Variants in SOX6 observed in about 807,000 individuals in gnomAD.
SOX6 encodes SRY-box transcription factor 6.
SOX6 carries 11 observed loss-of-function variants against 97.8 expected under a neutral mutation model. The ratio of observed to expected loss-of-function variants is 0.11; its 90% CI spans 0.07 to 0.19. The LOEUF (loss-of-function observed/expected upper bound fraction) is 0.19, where lower values mean the gene tolerates loss of function less well. Ranked by LOEUF, SOX6 falls within the 10% of genes least tolerant of loss-of-function variation. The pLI, the probability that SOX6 is intolerant of heterozygous loss-of-function variation, is 1.00. For missense variants in SOX6, 810 were observed against 1,039.5 expected (o/e 0.78, Z 3.04); for synonymous variants, 360 against 371.4 (o/e 0.97, Z 0.35).
intron 4 of SOX6, among the ~76,000 whole-genome samples, chr11:16,202,126 A>G (rs1851958481): frequency 6.6e-6 from 1 of 152,172 alleles, no homozygotes; most frequent in Admixed American, 6.5e-5. Flanking sequence ...AAATGAGAGT[A>G]TTAAAATATC....
At chr11:16,120,984 G>GAA (rs1433608888) in intron 6 of SOX6, among the ~76,000 whole-genome samples, 1 of 152,070 alleles carries the variant, frequency 6.6e-6, no homozygotes, top group Non-Finnish European at 1.5e-5. Context: ...TATTCTGAGA[G>GAA]AAATGTTAAT....
At chr11:16,136,408 CT>C (rs959545059) in intron 6 of SOX6, among the ~76,000 whole-genome samples, 9 of 136,354 alleles carry the variant, frequency 6.6e-5, no homozygotes, top group East Asian at 2.4e-4. Flanking sequence ...TATAGTGTAA[CT>C]TTTTTTTAAG....
intron 6 of SOX6, among the ~76,000 whole-genome samples, chr11:16,133,193 A>C (rs1023358332): frequency 1.3e-5 from 2 of 152,186 alleles, no homozygotes; most frequent in African/African-American, 4.8e-5. Flanking sequence ...TGCTCTCCTA[A>C]ACAAATGGGG....
At chr11:16,243,577 G>C (rs1853255089) in intron 3 of SOX6, among the ~76,000 whole-genome samples, 2 of 151,586 alleles carry the variant, frequency 1.3e-5, no homozygotes, top group Admixed American at 6.6e-5. Flanking sequence ...AATTTAATAA[G>C]TTTTGACAAA....
intron 3 of SOX6, among the ~76,000 whole-genome samples, chr11:16,291,456 AAC>A (rs772655139): frequency 1.3e-4 from 20 of 151,854 alleles, no homozygotes; most frequent in Non-Finnish European, 2.8e-4. Flanking sequence ...TAAACAAATA[AAC>A]CTACCTTGCA....
intron 4 of SOX6, among the ~76,000 whole-genome samples, chr11:16,606,339 G>A (rs1443812915): frequency 6.6e-6 from 1 of 151,824 alleles, no homozygotes; most frequent in African/African-American, 2.4e-5. Context: ...AGCCTGCGGC[G>A]GTAACAAGAG....
At chr11:16,213,602 C>T (rs773420681) in intron 4 of SOX6, among the ~76,000 whole-genome samples, 20 of 152,008 alleles carry the variant, frequency 1.3e-4, no homozygotes, top group Admixed American at 1.3e-3. Context: ...TTCAAGTAAC[C>T]CACAAAAGCT....
intron 1 of SOX6, among the ~76,000 whole-genome samples, chr11:16,346,034 G>C (rs78668541): frequency 2.0e-5 from 3 of 151,826 alleles, no homozygotes; most frequent in Admixed American, 2.0e-4. Context: ...TTCAAAAAAA[G>C]TCCTGTTTTT....
Position 16,340,994 on chromosome 11 carries a change from C to A in SOX6, c.237+18G>T. 6.2e-7 allele frequency: 1 copy of A among 1,612,878 alleles called. No individual in the cohort carries two copies. Among genetic ancestry groups the A allele is most frequent in the South Asian group, 1.1e-5 (1 of 90,942 alleles). ...AAGGAATGCATTTAGTGGCAGTGGT[C>A]AGATTTTAAAGGCTCACCATTCTTT... On this transcript the variant is annotated intron_variant, in intron 2 of 15. Transcript: ENST00000683767.
intron 10 of SOX6, among the ~76,000 whole-genome samples, chr11:16,055,331 T>C (rs1161369658): frequency 1.3e-5 from 2 of 151,900 alleles, no homozygotes; most frequent in Admixed American, 1.3e-4. Flanking sequence ...TCAAATTCTA[T>C]TTTGCACTTC....
At chr11:16,304,041 G>C (rs921973530) in intron 3 of SOX6, among the ~76,000 whole-genome samples, 1 of 151,870 alleles carries the variant, frequency 6.6e-6, no homozygotes, top group African/African-American at 2.4e-5. Context: ...TCAGCCTCTT[G>C]AGTAGCTGGG....
At chr11:16,372,932 A>G (rs1465256042) in intron 1 of SOX6, among the ~76,000 whole-genome samples, 1 of 152,092 alleles carries the variant, frequency 6.6e-6, no homozygotes, top group African/African-American at 2.4e-5. Flanking sequence ...TATGCCATAA[A>G]AGTTCACATT....
At chr11:16,081,597 T>C (rs1479903018) in intron 9 of SOX6, among the ~76,000 whole-genome samples, 1 of 152,192 alleles carries the variant, frequency 6.6e-6, no homozygotes, top group Non-Finnish European at 1.5e-5. Flanking sequence ...TATGTCGCTA[T>C]GCAGCTCTTT....
chr11:16,022,329 T>G (rs1236357558), intron 12 of SOX6, among the ~76,000 whole-genome samples: 1 of 146,558 alleles, frequency 6.8e-6, no homozygotes, highest in Non-Finnish European at 1.5e-5. Context: ...CTTCCTTCCT[T>G]CTTTCCTTCC....
intron 4 of SOX6, among the ~76,000 whole-genome samples, chr11:16,540,081 G>A (rs1015470423): frequency 3.9e-5 from 6 of 152,214 alleles, no homozygotes; most frequent in Admixed American, 2.6e-4. Context: ...ATAAAATACT[G>A]GAAAACCGAA....
At chr11:16,668,232 G>A (rs1847821627) in intron 3 of SOX6, among the ~76,000 whole-genome samples, 4 of 151,856 alleles carry the variant, frequency 2.6e-5, no homozygotes, top group Admixed American at 2.0e-4. Flanking sequence ...AAATTAGCCA[G>A]CATGGGGGTG....
chr11:16,721,618 CCTCTCTCT>C (rs59547335), intron 2 of SOX6, among the ~76,000 whole-genome samples: 17 of 22,352 alleles, frequency 7.6e-4, no homozygotes, highest in East Asian at 2.3e-3. Flanking sequence ...TCCCTCCCTC[CCTCTCTCT>C]CTCTCTCTCT....
chr11:16,363,296 T>C (rs964680941), intron 1 of SOX6, among the ~76,000 whole-genome samples: 1 of 152,184 alleles, frequency 6.6e-6, no homozygotes, highest in Non-Finnish European at 1.5e-5. Context: ...TCTTTAGAGA[T>C]TGAGCATTCC....
chr11:16,222,625 G>T (rs987249685), intron 4 of SOX6, among the ~76,000 whole-genome samples: 1 of 151,986 alleles, frequency 6.6e-6, no homozygotes, highest in African/African-American at 2.4e-5. Context: ...AAGCTTTGTG[G>T]GGTCCTCAAT....
Sources: allele counts gnomAD v4.1 joint callset (sites outside exome capture counted in the v4.1 genomes callset), GRCh38; gene constraint gnomAD v4.1.1; transcripts MANE v1.5; gene names NCBI Gene and HGNC (gene_info 2026-07-23, HGNC 2026-07-21).